WDR25: variants seen among roughly 807,000 people sequenced by gnomAD.
WDR25 encodes the protein WD repeat domain 25, also known as WD repeat-containing protein 25.
WDR25 carries 35 observed loss-of-function variants against 47.7 expected under a neutral mutation model. The observed-to-expected ratio is 0.73, with a 90% CI of 0.56 to 0.97. The LOEUF (loss-of-function observed/expected upper bound fraction) is 0.97. Among genes scored for constraint, WDR25 ranks in the 50% least tolerant of loss-of-function variants. WDR25 has a pLI of 0.00. For missense variants in WDR25, 634 were observed against 704.7 expected (o/e 0.90, Z 1.14); for synonymous variants, 248 against 278.9 (o/e 0.89, Z 1.10).
chr14:100,395,878 C>T (rs1897247602), intron 2 of WDR25, among the ~76,000 whole-genome samples: 1 of 150,372 alleles, frequency 6.7e-6, no homozygotes, highest in Admixed American at 6.6e-5. Context: ...TGTGGGGATT[C>T]GGGATTGGTT....
chr14:100,384,739 A>C (rs1324264479), intron 2 of WDR25, among the ~76,000 whole-genome samples: 1 of 152,092 alleles, frequency 6.6e-6, no homozygotes, highest in African/African-American at 2.4e-5. Context: ...AGGCGGGTGC[A>C]GCAGTACACC....
At chr14:100,413,260 A>G (rs150151171) in intron 2 of WDR25, among the ~76,000 whole-genome samples, 78 of 152,292 alleles carry the variant, frequency 5.1e-4, no homozygotes, top group African/African-American at 1.8e-3. Context: ...CATCGCTCCA[A>G]TCAAGGCACA....
At chr14:100,493,186 C>T (rs1165762485) in intron 4 of WDR25, among the ~76,000 whole-genome samples, 1 of 152,222 alleles carries the variant, frequency 6.6e-6, no homozygotes, top group Admixed American at 6.5e-5. Flanking sequence ...CTCATTCACT[C>T]AGTTCTTAGT....
intron 3 of WDR25, among the ~76,000 whole-genome samples, chr14:100,480,767 A>G (rs1900171200): frequency 6.6e-6 from 1 of 152,220 alleles, no homozygotes; most frequent in Non-Finnish European, 1.5e-5. Flanking sequence ...TAATGCAATT[A>G]TTAACCTGAT....
intron 4 of WDR25, among the ~76,000 whole-genome samples, chr14:100,497,152 C>T (rs1303781773): frequency 3.3e-5 from 5 of 152,068 alleles, no homozygotes; most frequent in Non-Finnish European, 7.4e-5. Flanking sequence ...GCTTTATGGC[C>T]CAGAATATAG....
chr14:100,514,252 C>T (rs966938458), intron 4 of WDR25, among the ~76,000 whole-genome samples: 5 of 152,118 alleles, frequency 3.3e-5, no homozygotes, highest in African/African-American at 4.8e-5. Context: ...TACTTTTAAC[C>T]TATTTGTATC....
intron 4 of WDR25, among the ~76,000 whole-genome samples, chr14:100,491,508 C>G (rs1900564714): frequency 6.6e-6 from 1 of 152,244 alleles, no homozygotes; most frequent in African/African-American, 2.4e-5. Flanking sequence ...AGTACAATCA[C>G]ATGCTGTCCA....
At chr14:100,511,087 T>C (rs546759852) in intron 4 of WDR25, among the ~76,000 whole-genome samples, 3 of 152,332 alleles carry the variant, frequency 2.0e-5, no homozygotes, top group South Asian at 4.1e-4. Flanking sequence ...GAACTTTAAA[T>C]GGTATTGCAT....
intron 2 of WDR25, among the ~76,000 whole-genome samples, chr14:100,414,367 C>T (rs532770441): frequency 7.2e-6 from 1 of 138,588 alleles, no homozygotes; most frequent in South Asian, 2.3e-4. Context: ...GGCTGGAGTG[C>T]AGTGGTGCAA....
intron 4 of WDR25, among the ~76,000 whole-genome samples, chr14:100,510,463 C>T (rs1472984182): frequency 6.6e-6 from 1 of 150,446 alleles, no homozygotes; most frequent in Admixed American, 6.6e-5. Context: ...TGGCCGGGCA[C>T]AGTGGTTCAC....
intron 2 of WDR25, among the ~76,000 whole-genome samples, chr14:100,405,632 C>A (rs1157419316): frequency 1.3e-5 from 2 of 152,214 alleles, no homozygotes; most frequent in East Asian, 3.8e-4. Flanking sequence ...TGCTTGGAGG[C>A]CAGCACTAAC....
intron 2 of WDR25, among the ~76,000 whole-genome samples, chr14:100,415,489 G>A (rs955847946): frequency 8.5e-5 from 13 of 152,200 alleles, no homozygotes; most frequent in African/African-American, 2.9e-4. Flanking sequence ...TCTTTTCAAG[G>A]ATGTTTGAAT....
chr14:100,454,732 T>C (rs111531998), intron 2 of WDR25: 3,552 of 330,270 alleles, frequency 0.011, 38 homozygotes, highest in Middle Eastern at 0.02. Context: ...GTTACTGGCT[T>C]GAAGAACCAG....
chr14:100,383,742 G>A (rs1299392986), intron 2 of WDR25, among the ~76,000 whole-genome samples: 5 of 152,356 alleles, frequency 3.3e-5, no homozygotes, highest in African/African-American at 1.2e-4. Flanking sequence ...TTGATTTCTG[G>A]CCTTGTGGAG....
chr14:100,390,189 A>G (rs1362026343), intron 2 of WDR25, among the ~76,000 whole-genome samples: 1 of 151,818 alleles, frequency 6.6e-6, no homozygotes, highest in Non-Finnish European at 1.5e-5. Context: ...TTAATATAGC[A>G]TATTGTTTTT....
At chr14:100,384,377 T>C (rs1444097781) in intron 2 of WDR25, among the ~76,000 whole-genome samples, 1 of 151,972 alleles carries the variant, frequency 6.6e-6, no homozygotes, top group Non-Finnish European at 1.5e-5. Context: ...GTGTGAAGAG[T>C]GTATGGCAGG....
At chr14:100,522,312 G>C (rs2029898561) in intron 4 of WDR25, among the ~76,000 whole-genome samples, 1 of 151,986 alleles carries the variant, frequency 6.6e-6, no homozygotes, top group African/African-American at 2.4e-5. Flanking sequence ...AGTCATAGCT[G>C]GGAAAGTTTT....
At chr14:100,501,435 C>G (rs1293790738) in intron 4 of WDR25, among the ~76,000 whole-genome samples, 1 of 152,172 alleles carries the variant, frequency 6.6e-6, no homozygotes, top group South Asian at 2.1e-4. Context: ...GTACCTTCCC[C>G]CCAGCCAGAC....
chr14:100,389,534 G>A (rs888223166), intron 2 of WDR25, among the ~76,000 whole-genome samples: 12 of 152,158 alleles, frequency 7.9e-5, no homozygotes, highest in Non-Finnish European at 1.5e-4. Context: ...GGAGCAAGCC[G>A]GGGGACAGAA....
Sources: gnomAD v4.1 joint callset for allele counts (sites outside exome capture counted in the v4.1 genomes callset) on GRCh38, gnomAD v4.1.1 for gene constraint, MANE v1.5 for transcripts, NCBI Gene and HGNC (gene_info 2026-07-23, HGNC 2026-07-21) for gene names.